Variants in FAM13A observed in about 807,000 individuals in gnomAD.
FAM13A encodes protein FAM13A.
In FAM13A, 76 loss-of-function variants were observed where a neutral mutation model predicts 129.6. The observed-to-expected ratio is 0.59, with a 90% CI of 0.49 to 0.71. FAM13A has a LOEUF of 0.71. FAM13A is among the 30% of genes least tolerant of loss of function. FAM13A has a pLI of 0.00. For missense variants in FAM13A, 1,108 were observed against 1,249.3 expected (o/e 0.89, Z 1.70); for synonymous variants, 443 against 449.9 (o/e 0.98, Z 0.20).
intron 7 of FAM13A, among the ~76,000 whole-genome samples, chr4:88,814,129 A>G (rs1316572188): frequency 1.6e-4 from 25 of 152,218 alleles, no homozygotes. Context: ...GGAGGAAGGA[A>G]TTACTAACCA....
At chr4:88,826,202 T>C (rs1251774447) in intron 7 of FAM13A, among the ~76,000 whole-genome samples, 1 of 151,972 alleles carries the variant, frequency 6.6e-6, no homozygotes, top group Non-Finnish European at 1.5e-5. Context: ...CCCCCACTAC[T>C]TCTCCCTCTC....
chr4:89,040,313 T>C (rs1014276890), intron 1 of FAM13A, among the ~76,000 whole-genome samples: 16 of 152,312 alleles, frequency 1.1e-4, no homozygotes, highest in African/African-American at 2.9e-4. Flanking sequence ...GTGGGCAGTA[T>C]ACAGAGTGCC....
At chr4:88,959,068 C>A (rs565779109) in intron 4 of FAM13A, among the ~76,000 whole-genome samples, 1 of 152,174 alleles carries the variant, frequency 6.6e-6, no homozygotes, top group Non-Finnish European at 1.5e-5. Context: ...AATGCATATA[C>A]CCCATTGTAT....
chr4:88,803,046 T>C (rs1410867928), intron 8 of FAM13A, among the ~76,000 whole-genome samples: 1 of 152,196 alleles, frequency 6.6e-6, no homozygotes, highest in East Asian at 1.9e-4. Context: ...AAACTGAATA[T>C]GCCATTGCTG....
chr4:88,789,710 T>C (rs1311137201), intron 9 of FAM13A, among the ~76,000 whole-genome samples: 2 of 152,152 alleles, frequency 1.3e-5, no homozygotes, highest in Non-Finnish European at 2.9e-5. Flanking sequence ...AATAATGTAA[T>C]TTCCAATAGT....
intron 1 of FAM13A, among the ~76,000 whole-genome samples, chr4:89,055,189 G>A (rs1394106708): frequency 6.6e-6 from 1 of 152,294 alleles, no homozygotes; most frequent in East Asian, 1.9e-4. Context: ...ATGTATTAAT[G>A]TGTGACTTAG....
intron 6 of FAM13A, among the ~76,000 whole-genome samples, chr4:88,880,690 C>G (rs1345071676): frequency 2.0e-5 from 3 of 149,804 alleles, no homozygotes; most frequent in African/African-American, 7.4e-5. Flanking sequence ...GCTTTCTCAG[C>G]CGGGAGGCTG....
intron 5 of FAM13A, among the ~76,000 whole-genome samples, chr4:88,913,325 GAGGA>G (rs1749472132): frequency 6.8e-6 from 1 of 147,234 alleles, no homozygotes; most frequent in South Asian, 2.2e-4. Context: ...AGAAGAGGAG[GAGGA>G]AGAAGAAGAA....
chr4:88,765,425 A>C (rs1006704147), intron 13 of FAM13A, among the ~76,000 whole-genome samples: 2 of 152,218 alleles, frequency 1.3e-5, no homozygotes, highest in Non-Finnish European at 2.9e-5. Context: ...CAAAATATAT[A>C]CTGGTTAAAC....
chr4:88,767,971 T>C lies in FAM13A; in HGVS notation c.1535+12A>G, dbSNP rs1485068752. The C allele has an allele frequency of 6.5e-7, 1 of 1,531,968 alleles. No individual in the cohort carries two copies. The highest frequency in any genetic ancestry group is 1.4e-5 in the African/African-American group (1 of 73,382). 94.9% of individuals were successfully genotyped at this position (1,531,968 alleles called of 1,614,324 possible). On this transcript the variant is annotated intron_variant, in intron 12 of 23. Coordinates refer to ENST00000264344, the MANE Select transcript of FAM13A (RefSeq NM_014883.4). ...CCTTGGAAAGAATATTAGGAGACAATTCTAAAATTACCTTTCATCAGACAT... is the reference window on the plus strand; with the variant it reads ...CCTTGGAAAGAATATTAGGAGACAACTCTAAAATTACCTTTCATCAGACAT...
At chr4:88,793,081 C>G (rs1725485469) in intron 8 of FAM13A, among the ~76,000 whole-genome samples, 1 of 151,992 alleles carries the variant, frequency 6.6e-6, no homozygotes, top group Non-Finnish European at 1.5e-5. Flanking sequence ...ATACATTCCT[C>G]AGTGATTCTA....
chr4:88,794,068 C>T (rs1246387042), intron 8 of FAM13A, among the ~76,000 whole-genome samples: 2 of 151,958 alleles, frequency 1.3e-5, no homozygotes, highest in Non-Finnish European at 2.9e-5. Context: ...GCTTTTTACC[C>T]TCTTCGGAGA....
At chr4:88,768,137 G>C in intron 11 of FAM13A, 78 bp from the exon 12 acceptor site, 1 of 758,058 alleles carries the variant, frequency 1.3e-6, no homozygotes. Flanking sequence ...CTTTAAAATA[G>C]AAAAATCAAA....
At chr4:88,797,529 T>C (rs554066164) in intron 8 of FAM13A, among the ~76,000 whole-genome samples, 40 of 152,178 alleles carry the variant, frequency 2.6e-4, no homozygotes, top group Non-Finnish European at 5.6e-4. Context: ...CCTCCGAAAG[T>C]GCTGGGATTA....
In FAM13A at chr4:88,728,528, G is replaced by A. The variant is rs749295751; in HGVS notation, c.*5C>T. 10 of 1,613,962 alleles carry A rather than the reference G, an allele frequency of 6.2e-6. No homozygotes were observed. The highest frequency in any genetic ancestry group is 5.0e-5 in the Admixed American group (3 of 60,006). On this transcript the variant is annotated 3_prime_UTR_variant, in exon 24 of 24. Coordinates refer to ENST00000264344, the MANE Select transcript of FAM13A (RefSeq NM_014883.4). ...CTGCCAGCCCCCTGTGCTTGGCCAT[G>A]CCCCTCACATGGACTTGGAATCAGT...
chr4:88,973,993 T>C (rs560932718), intron 4 of FAM13A, among the ~76,000 whole-genome samples: 3 of 152,312 alleles, frequency 2.0e-5, no homozygotes, highest in African/African-American at 7.2e-5. Context: ...TCTGGTTAAA[T>C]AGCTTTCCTC....
intron 1 of FAM13A, among the ~76,000 whole-genome samples, chr4:89,051,703 C>T (rs552881499): frequency 4.6e-5 from 7 of 152,198 alleles, no homozygotes; most frequent in African/African-American, 1.7e-4. Context: ...CAGTTACGTG[C>T]TTCCAAAATA....
At chr4:88,945,423 A>G (rs972394104) in intron 4 of FAM13A, among the ~76,000 whole-genome samples, 1 of 152,174 alleles carries the variant, frequency 6.6e-6, no homozygotes, top group Non-Finnish European at 1.5e-5. Flanking sequence ...CCCAAGATGC[A>G]TGGAATGAGA....
At chr4:88,963,033 T>C (rs1282910798) in intron 4 of FAM13A, among the ~76,000 whole-genome samples, 1 of 152,214 alleles carries the variant, frequency 6.6e-6, no homozygotes, top group African/African-American at 2.4e-5. Context: ...AATGGGTCAC[T>C]AGGTGACTTT....
Sources: gnomAD v4.1 joint callset for allele counts (sites outside exome capture counted in the v4.1 genomes callset) on GRCh38, gnomAD v4.1.1 for gene constraint, MANE v1.5 for transcripts, NCBI Gene and HGNC (gene_info 2026-07-23, HGNC 2026-07-21) for gene names.